The following RGS9 variants were observed in gnomAD, a reference collection of about 807,000 sequenced individuals.
The protein encoded by RGS9 is regulator of G protein signaling 9, also known as regulator of G-protein signalling 9.
RGS9 carries 78 observed loss-of-function variants against 102.0 expected under a neutral mutation model. That is an observed-to-expected ratio of 0.76 (90% CI 0.64 to 0.92). The LOEUF is 0.92. RGS9 is among the 40% of genes least tolerant of loss of function. RGS9 has a pLI of 0.00. For missense variants in RGS9, 833 were observed against 866.1 expected (o/e 0.96, Z 0.48); for synonymous variants, 353 against 318.6 (o/e 1.11, Z -1.15).
chr17:65,160,857 A>G lies in RGS9; in HGVS notation c.371A>G (p.Tyr124Cys), dbSNP rs772849558. The G allele has an allele frequency of 1.9e-6, 3 of 1,614,000 alleles. No individual in the cohort carries two copies. Among genetic ancestry groups the G allele is most frequent in the Non-Finnish European group, 2.5e-6 (3 of 1,179,818 alleles). Residue 124 changes from tyrosine to cysteine, a missense_variant, in exon 6 of 19, where the codon TAT becomes TGT. Coordinates refer to ENST00000262406, the MANE Select transcript of RGS9 (RefSeq NM_003835.4). ...TCATTGCTTTCTTTTCCAGCCATCT[A>G]TCTGGCCAAGCGAAATATCAAAAAG... ...WPAEDTDYAI[Y>C]LAKRNIKKKG...
chr17:65,182,175 C>T (rs1484270673), intron 9 of RGS9, among the ~76,000 whole-genome samples: 1 of 152,234 alleles, frequency 6.6e-6, no homozygotes, highest in Non-Finnish European at 1.5e-5. Context: ...GTATAAAATA[C>T]TGTGCTCTGC....
intron 9 of RGS9, among the ~76,000 whole-genome samples, chr17:65,185,041 T>G (rs1912057339): frequency 6.6e-6 from 1 of 152,130 alleles, no homozygotes; most frequent in Non-Finnish European, 1.5e-5. Flanking sequence ...TACTCTTTCC[T>G]GAATCTCTTC....
At chr17:65,222,361 C>A (rs1913731304) in intron 17 of RGS9, among the ~76,000 whole-genome samples, 1 of 152,218 alleles carries the variant, frequency 6.6e-6, no homozygotes, top group Non-Finnish European at 1.5e-5. Flanking sequence ...TAAAAGTCAG[C>A]TATGCCTCAT....
chr17:65,137,583 G>T lies in RGS9; in HGVS notation c.43G>T (p.Ala15Ser). ...AGGCCAGCAGTACAGGCCGAGGATG[G>T]CATTTCTCCAAAAGGTAACCCTGGC... ...HQGQQYRPRM[A>S]FLQKIEALVK... The change falls in exon 1 of 19, where the codon GCA (alanine) becomes TCA (serine). Residue 15 changes from alanine (A) to serine (S), a missense_variant. Physicochemically the swap from Ala to Ser is moderately conservative, Grantham distance 99 (BLOSUM62 1). Around this residue, in one of 3 missense-constraint regions of RGS9, gnomAD observed 328 missense variants for 340.6 expected, o/e 0.96. Coordinates refer to ENST00000262406, the MANE Select transcript of RGS9 (RefSeq NM_003835.4). 6.2e-7 allele frequency: 1 copy of T among 1,613,366 alleles called. No homozygotes were observed. The highest frequency in any genetic ancestry group is 1.7e-5 in the Admixed American group (1 of 60,032).
intron 13 of RGS9, among the ~76,000 whole-genome samples, chr17:65,197,562 G>A (rs1912644803): frequency 6.6e-6 from 1 of 152,166 alleles, no homozygotes; most frequent in African/African-American, 2.4e-5. Context: ...GCTCCTTCTA[G>A]TCAGCCTCTA....
In RGS9 at chr17:65,225,344, A is replaced by T; in HGVS notation, c.1750A>T (p.Arg584Trp). ...PKARMALSFS[R>W]FLRRGCLASP... is the part of the protein sequence containing the mutation. Reference sequence around the variant, plus strand: ...GGCCCGCATGGCTCTGTCCTTCAGCAGGTTTCTGAGACGAGGCTGTCTGGC... The same window carrying T: ...GGCCCGCATGGCTCTGTCCTTCAGCTGGTTTCTGAGACGAGGCTGTCTGGC... Residue 584 changes from arginine (R) to tryptophan (W), a missense_variant, in exon 18 of 19, where the codon AGG becomes TGG. Arg to Trp is a moderately radical substitution (Grantham distance 101). Around this residue, in one of 3 missense-constraint regions of RGS9, gnomAD observed 320 missense variants for 276.8 expected, o/e 1.16. Coordinates refer to ENST00000262406, the MANE Select transcript of RGS9 (RefSeq NM_003835.4). 1 of 1,611,544 alleles carries T rather than the reference A, an allele frequency of 6.2e-7. No individual in the cohort carries two copies. The highest frequency in any genetic ancestry group is 8.5e-7 in the Non-Finnish European group (1 of 1,180,016).
intron 1 of RGS9, 111 bp downstream of exon 1, chr17:65,137,708 T>C: frequency 2.2e-6 from 2 of 917,882 alleles, no homozygotes; most frequent in South Asian, 2.7e-5. Flanking sequence ...GGTCGATTTG[T>C]GCTGCTCGAT....
At chr17:65,180,640 G>A (rs1911845900) in intron 9 of RGS9, among the ~76,000 whole-genome samples, 1 of 152,166 alleles carries the variant, frequency 6.6e-6, no homozygotes, top group Non-Finnish European at 1.5e-5. Context: ...ATGAACCACT[G>A]CGCCTGGCTA....
chr17:65,161,024 C>T lies in RGS9; in HGVS notation c.423+115C>T, dbSNP rs1455438925. The T allele has an allele frequency of 2.0e-5, 17 of 845,666 alleles. 1 individual carries two copies. 52.4% of individuals were successfully genotyped at this position (845,666 alleles called of 1,614,324 possible). A position where few individuals can be genotyped will look rare whatever the true frequency, so the allele number is the denominator to read the frequency against. On this transcript the variant is annotated intron_variant, in intron 6 of 18. Coordinates refer to ENST00000262406, the MANE Select transcript of RGS9 (RefSeq NM_003835.4). ...ATATGCGCCCACATTCATATGCAATCCATCCAGCCAGCCAGCTAGCCATCC... is the reference window on the plus strand; with the variant it reads ...ATATGCGCCCACATTCATATGCAATTCATCCAGCCAGCCAGCTAGCCATCC...
chr17:65,164,811 A>G (rs574538004), intron 7 of RGS9, among the ~76,000 whole-genome samples: 30 of 152,134 alleles, frequency 2.0e-4, no homozygotes, highest in Non-Finnish European at 3.4e-4. Flanking sequence ...AATCACTTAT[A>G]TTTGTTCATA....
Position 65,160,442 on chromosome 17 carries a change from G to T in RGS9, c.313-94G>T. On this transcript the variant is annotated intron_variant, in intron 4 of 18. Coordinates refer to ENST00000262406, the MANE Select transcript of RGS9 (RefSeq NM_003835.4). The stretch of plus-strand genomic sequence containing the variant: ...TCAAGGACTTCAGAAATGGTGGAGG[G>T]GGCCAAGGTGGTTGGATTTCTTTAG... 3 of 1,569,770 alleles carry T rather than the reference G, an allele frequency of 1.9e-6. No homozygotes were observed. The South Asian group carries it at 3.3e-5, about 17-fold the overall frequency.
rs776723538 is a variant in RGS9 at position 65,225,440 on chromosome 17, G to GACGTGGGCC, written c.1848_1856dup (p.Gly618_Gln619insHisValGly). 6.2e-7 allele frequency: 1 copy of GACGTGGGCC among 1,607,908 alleles called. No individual in the cohort carries two copies. Among genetic ancestry groups the GACGTGGGCC allele is most frequent in the South Asian group, 1.1e-5 (1 of 91,070 alleles). Reference sequence around the variant, plus strand: ...CCACGGGAGGGTGCAGCCCCTGGGGGACGTGGGCCAGCAGCTGCCACGATT... The same window carrying GACGTGGGCC: ...CCACGGGAGGGTGCAGCCCCTGGGGGACGTGGGCCACGTGGGCCAGCAGCTGCCACGATT... On this transcript the variant is annotated inframe_insertion, in exon 18 of 19. Coordinates refer to ENST00000262406, the MANE Select transcript of RGS9 (RefSeq NM_003835.4).
intron 17 of RGS9, among the ~76,000 whole-genome samples, chr17:65,215,480 C>T (rs185304188): frequency 1.2e-3 from 130 of 111,356 alleles, no homozygotes; most frequent in African/African-American, 5.1e-3. Context: ...CTTTCTCTAT[C>T]TTTCTTTCGT....
intron 2 of RGS9, among the ~76,000 whole-genome samples, chr17:65,157,001 T>C (rs1379055867): frequency 2.0e-5 from 3 of 152,120 alleles, no homozygotes; most frequent in Non-Finnish European, 4.4e-5. Context: ...AATTACAGGT[T>C]GTCTACACCC....
At chr17:65,153,804 G>A (rs1021993662) in intron 2 of RGS9, among the ~76,000 whole-genome samples, 1 of 151,754 alleles carries the variant, frequency 6.6e-6, no homozygotes, top group Admixed American at 6.6e-5. Context: ...GCAGGAGAAT[G>A]GCCTGAACCT....
chr17:65,174,255 C>T (rs930321914), intron 8 of RGS9, among the ~76,000 whole-genome samples: 10 of 152,302 alleles, frequency 6.6e-5, no homozygotes, highest in East Asian at 5.8e-4. Context: ...AACTAGATAA[C>T]GAATTCAAGA....
chr17:65,183,063 T>TCTCC (rs1911951770), intron 9 of RGS9, among the ~76,000 whole-genome samples: 1 of 77,384 alleles, frequency 1.3e-5, no homozygotes, highest in Non-Finnish European at 4.0e-5. Context: ...TTTTTTTAAA[T>TCTCC]CTATCTATCT....
At chr17:65,160,649 T>C (rs968303397) in intron 5 of RGS9, 62 bp downstream of exon 5, 105 of 1,554,242 alleles carry the variant, frequency 6.8e-5, no homozygotes, top group Non-Finnish European at 8.3e-5. Context: ...ATTTACTTGC[T>C]GCACTTTGGT....
At position 65,227,441 on chromosome 17, in the gene RGS9, C is replaced by G. The variant is rs1214102268; in HGVS notation, c.*34C>G. The G allele has an allele frequency of 6.3e-7, 1 of 1,596,364 alleles. No homozygotes were observed. Reference sequence around the variant, plus strand: ...GCAGGCTGAGCTGGGGGCTCTGGACCAGGAAGATGCTCTGACAGATGCCAT... The same window carrying G: ...GCAGGCTGAGCTGGGGGCTCTGGACGAGGAAGATGCTCTGACAGATGCCAT... On this transcript the variant is annotated 3_prime_UTR_variant, in exon 19 of 19. Transcript: ENST00000262406.
Sources: allele counts gnomAD v4.1 joint callset (sites outside exome capture counted in the v4.1 genomes callset), GRCh38; gene constraint gnomAD v4.1.1; regional missense constraint gnomAD v4.1.1; transcripts MANE v1.5; gene names NCBI Gene and HGNC (gene_info 2026-07-23, HGNC 2026-07-21).